Variants in PDS5B observed in about 807,000 individuals in gnomAD.
PDS5B encodes sister chromatid cohesion protein PDS5 homolog B.
Under a neutral mutation model 184.1 loss-of-function variants are expected in PDS5B, and 51 were observed. That is an observed-to-expected ratio of 0.28 (90% CI 0.22 to 0.35). The LOEUF (loss-of-function observed/expected upper bound fraction) is 0.35. PDS5B is among the 10% of genes least tolerant of loss of function. PDS5B has a pLI of 1.00. For synonymous variants in PDS5B, 566 were observed against 569.2 expected (o/e 0.99, Z 0.08); for missense variants, 1,180 against 1,723.3 (o/e 0.68, Z 5.58).
chr13:32,644,763 TAC>T (rs893253929), intron 1 of PDS5B, among the ~76,000 whole-genome samples: 1 of 152,214 alleles, frequency 6.6e-6, no homozygotes, highest in Non-Finnish European at 1.5e-5. Context: ...GTTTTTGTTT[TAC>T]AGTCATGAGT....
intron 1 of PDS5B, among the ~76,000 whole-genome samples, chr13:32,609,921 T>C (rs1432057913): frequency 1.3e-5 from 2 of 148,374 alleles, no homozygotes; most frequent in African/African-American, 5.0e-5. Context: ...AACAAAAAAA[T>C]GAGAACACCT....
chr13:32,772,353 A>T (rs1399124582), intron 33 of PDS5B, among the ~76,000 whole-genome samples: 2 of 152,188 alleles, frequency 1.3e-5, no homozygotes, highest in Non-Finnish European at 2.9e-5. Context: ...CACAAAACAG[A>T]CGTGGTACTT....
At chr13:32,663,454 T>G (rs1482841196) in intron 6 of PDS5B, among the ~76,000 whole-genome samples, 1 of 152,194 alleles carries the variant, frequency 6.6e-6, no homozygotes, top group East Asian at 1.9e-4. Context: ...AACATTATGT[T>G]AGTGATAGAC....
intron 15 of PDS5B, among the ~76,000 whole-genome samples, chr13:32,698,846 C>T (rs145642237): frequency 1.1e-3 from 162 of 152,050 alleles, no homozygotes; most frequent in African/African-American, 3.8e-3. Context: ...CTCCGCCTCC[C>T]GGGTTCAAGC....
intron 1 of PDS5B, among the ~76,000 whole-genome samples, chr13:32,616,239 G>C (rs1365631434): frequency 1.3e-5 from 2 of 152,094 alleles, no homozygotes; most frequent in African/African-American, 4.8e-5. Flanking sequence ...ATTTTTAGTA[G>C]AGACAGGGTT....
intron 21 of PDS5B, among the ~76,000 whole-genome samples, chr13:32,737,114 C>T (rs527917038): frequency 6.6e-6 from 1 of 152,176 alleles, no homozygotes; most frequent in East Asian, 1.9e-4. Flanking sequence ...TTACCTTGTA[C>T]ATATATTGCT....
intron 19 of PDS5B, among the ~76,000 whole-genome samples, chr13:32,716,835 G>A (rs1952450748): frequency 8.1e-6 from 1 of 123,230 alleles, no homozygotes; most frequent in African/African-American, 2.9e-5. Flanking sequence ...CTGTCTGGGA[G>A]GGAGGTTGGG....
At position 32,745,865 on chromosome 13, in the gene PDS5B, G is replaced by A. The variant is rs1470031649; in HGVS notation, c.2613-112G>A. On this transcript the variant is annotated intron_variant, in intron 23 of 34. Coordinates refer to ENST00000315596, the MANE Select transcript of PDS5B (RefSeq NM_015032.4). ...GGGGGACACAAACATTCAGATCACA[G>A]CATTTTTTTTTAAACTTTTTTGTGC... 5 of 832,990 alleles carry A rather than the reference G, an allele frequency of 6.0e-6. No individual in the cohort carries two copies. The Admixed American group carries it at 7.3e-5, about 12-fold the overall frequency. The allele number at this position is 832,990 out of a possible 1,614,324, so 51.6% of individuals were successfully genotyped here.
chr13:32,647,857 G>A (rs2140650570), intron 1 of PDS5B, among the ~76,000 whole-genome samples: 1 of 152,216 alleles, frequency 6.6e-6, no homozygotes, highest in East Asian at 1.9e-4. Flanking sequence ...TTTTTGACTT[G>A]ATACTTGCTC....
chr13:32,625,451 C>A (rs987329627), intron 1 of PDS5B, among the ~76,000 whole-genome samples: 17 of 152,042 alleles, frequency 1.1e-4, no homozygotes, highest in Non-Finnish European at 2.2e-4. Flanking sequence ...AAAAAAAATT[C>A]TTTTGTGTTT....
At chr13:32,622,110 T>A (rs2058310521) in intron 1 of PDS5B, among the ~76,000 whole-genome samples, 1 of 152,122 alleles carries the variant, frequency 6.6e-6, no homozygotes, top group Admixed American at 6.5e-5. Context: ...TTTCCACTCT[T>A]TTTTATCTTC....
At chr13:32,633,064 A>C (rs116671003) in intron 1 of PDS5B, among the ~76,000 whole-genome samples, 309 of 152,348 alleles carry the variant, frequency 2.0e-3, no homozygotes, top group African/African-American at 7.3e-3. Flanking sequence ...AATTTGACAG[A>C]AAAGGACAAA....
At chr13:32,600,147 TC>T (rs1337440245) in intron 1 of PDS5B, among the ~76,000 whole-genome samples, 1 of 152,222 alleles carries the variant, frequency 6.6e-6, no homozygotes, top group Non-Finnish European at 1.5e-5. Context: ...CTGCCAAGAT[TC>T]CCCATTGTGA....
At chr13:32,603,455 A>G (rs2058009764) in intron 1 of PDS5B, among the ~76,000 whole-genome samples, 1 of 152,112 alleles carries the variant, frequency 6.6e-6, no homozygotes. Context: ...ATTGGTCTAT[A>G]TCTCTGTTTT....
chr13:32,600,123 A>G (rs1170279354), intron 1 of PDS5B, among the ~76,000 whole-genome samples: 1 of 152,176 alleles, frequency 6.6e-6, no homozygotes, highest in Admixed American at 6.5e-5. Context: ...TTTTGTTTAA[A>G]AAATTCCATT....
intron 19 of PDS5B, among the ~76,000 whole-genome samples, chr13:32,714,227 G>GT (rs1952297784): frequency 6.6e-6 from 1 of 152,192 alleles, no homozygotes; most frequent in African/African-American, 2.4e-5. Flanking sequence ...TGCTAATGAA[G>GT]TTTCGGGCAC....
intron 31 of PDS5B, among the ~76,000 whole-genome samples, chr13:32,767,624 TAACCTTTAA>T (rs1415235923): frequency 4.6e-5 from 7 of 152,102 alleles, no homozygotes; most frequent in Admixed American, 4.6e-4. Context: ...GATTTAAATA[TAACCTTTAA>T]AAGAAATAGG....
intron 1 of PDS5B, among the ~76,000 whole-genome samples, chr13:32,604,317 C>T (rs1432432525): frequency 2.0e-5 from 3 of 152,174 alleles, no homozygotes; most frequent in Non-Finnish European, 2.9e-5. Context: ...GGCCTTTCTG[C>T]ATCTTTTGAG....
chr13:32,659,171 A>G lies in PDS5B; in HGVS notation c.515A>G (p.Lys172Arg). Reference protein sequence around the residue: ...FSVINNGHNQKVHMHMVDLMS... With the variant: ...FSVINNGHNQRVHMHMVDLMS... ...AATTGCAGCAATGGCCACAATCAGA[A>G]AGTCCATATGCACATGGTAGACCTT... Residue 172 changes from lysine (K) to arginine (R), a missense_variant, in exon 6 of 35, where the codon AAA becomes AGA. Physicochemically the swap from Lys to Arg is conservative, Grantham distance 26. This residue lies in a region of PDS5B where 79 missense variants were observed against 124.6 expected (regional missense o/e 0.63). Coordinates refer to ENST00000315596, the MANE Select transcript of PDS5B (RefSeq NM_015032.4). 2 of 1,563,978 alleles carry G rather than the reference A, an allele frequency of 1.3e-6. No individual in the cohort carries two copies. The highest frequency in any genetic ancestry group is 8.7e-7 in the Non-Finnish European group (1 of 1,148,008).
Sources: allele counts gnomAD v4.1 joint callset (sites outside exome capture counted in the v4.1 genomes callset), GRCh38; gene constraint gnomAD v4.1.1; regional missense constraint gnomAD v4.1.1; transcripts MANE v1.5; gene names NCBI Gene and HGNC (gene_info 2026-07-23, HGNC 2026-07-21).